Variants in PDGFD observed in about 807,000 individuals in gnomAD.
PDGFD encodes platelet derived growth factor D.
PDGFD carries 30 observed loss-of-function variants against 44.7 expected under a neutral mutation model. The observed-to-expected ratio is 0.67, with a 90% CI of 0.50 to 0.91. PDGFD has a LOEUF of 0.91. Ranked by LOEUF, PDGFD falls within the 40% of genes least tolerant of loss-of-function variation. The pLI, the probability that PDGFD is intolerant of heterozygous loss-of-function variation, is 0.00. For missense variants in PDGFD, 445 were observed against 457.8 expected (o/e 0.97, Z 0.25); for synonymous variants, 173 against 168.4 (o/e 1.03, Z -0.21).
intron 3 of PDGFD, among the ~76,000 whole-genome samples, chr11:103,966,554 C>G (rs916595374): frequency 8.5e-5 from 13 of 152,278 alleles, no homozygotes; most frequent in East Asian, 3.9e-4. Flanking sequence ...CTGCATTATC[C>G]TCTGCCAACT....
chr11:103,955,225 A>G (rs1362439275), intron 3 of PDGFD, among the ~76,000 whole-genome samples: 1 of 146,482 alleles, frequency 6.8e-6, no homozygotes, highest in Non-Finnish European at 1.5e-5. Context: ...ATGAACAAAC[A>G]CATGATCAAC....
intron 1 of PDGFD, among the ~76,000 whole-genome samples, chr11:104,013,454 C>T (rs1019297923): frequency 5.3e-5 from 8 of 152,164 alleles, no homozygotes; most frequent in South Asian, 4.2e-4. Context: ...TGGCTGGAGC[C>T]CAAAAGCACT....
At chr11:104,022,784 A>AGT (rs1482333702) in intron 1 of PDGFD, among the ~76,000 whole-genome samples, 1 of 152,008 alleles carries the variant, frequency 6.6e-6, no homozygotes, top group Non-Finnish European at 1.5e-5. Flanking sequence ...TACAAAATTT[A>AGT]GTGTGTGTGT....
At chr11:104,008,220 G>T (rs761445749) in intron 1 of PDGFD, among the ~76,000 whole-genome samples, 1 of 152,138 alleles carries the variant, frequency 6.6e-6, no homozygotes, top group Non-Finnish European at 1.5e-5. Flanking sequence ...AAAATGACAT[G>T]ACACCTCAAT....
intron 6 of PDGFD, among the ~76,000 whole-genome samples, chr11:103,922,394 A>C (rs1858239034): frequency 6.6e-6 from 1 of 152,184 alleles, no homozygotes; most frequent in Non-Finnish European, 1.5e-5. Flanking sequence ...GGAATTTGAG[A>C]AAACAAGAAA....
In PDGFD at chr11:103,914,763, G is replaced by A. The variant is rs7107615; in HGVS notation, c.988-4944C>T. 5.8e-3 allele frequency among the ~76,000 whole-genome samples: 883 copies of A among 152,010 alleles called. 15 individuals carry two copies. The highest frequency in any genetic ancestry group is 0.02 in the African/African-American group (838 of 41,458). ...GCTTATCTACCATGATCAAGTTGGC[G>A]TCATCCCTGGGATGCAAGGCTGGTT... is the stretch of plus-strand genomic sequence containing the variant. On this transcript the variant is annotated intron_variant, in intron 6 of 6. Transcript: ENST00000393158.
chr11:104,153,646 A>T (rs1030998846), intron 1 of PDGFD, among the ~76,000 whole-genome samples: 2 of 152,184 alleles, frequency 1.3e-5, no homozygotes, highest in Non-Finnish European at 2.9e-5. Flanking sequence ...TAATATGATT[A>T]AGGAATTCAC....
intron 1 of PDGFD, among the ~76,000 whole-genome samples, chr11:104,019,995 A>G (rs1859925350): frequency 6.6e-6 from 1 of 152,168 alleles, no homozygotes; most frequent in Non-Finnish European, 1.5e-5. Flanking sequence ...TGTTTTACTA[A>G]ATGTAAAACA....
chr11:103,991,789 T>C (rs1017616420), intron 3 of PDGFD, among the ~76,000 whole-genome samples: 1 of 152,206 alleles, frequency 6.6e-6, no homozygotes, highest in Non-Finnish European at 1.5e-5. Flanking sequence ...CAAAGTGGTT[T>C]ATAAAAGTTA....
chr11:103,955,155 C>A (rs181563132), intron 3 of PDGFD, among the ~76,000 whole-genome samples: 4,642 of 92,216 alleles, frequency 0.05, 121 homozygotes, highest in Middle Eastern at 0.18. Context: ...CAGAGCGAGA[C>A]TCCGTCTCAA....
rs114261379 is a variant in PDGFD, at chr11:104,040,974, G to A, written c.125-40719C>T. Among the ~76,000 whole-genome samples, 1,000 of 151,856 alleles carry A rather than the reference G, an allele frequency of 6.6e-3. 17 individuals are homozygous for A. The highest frequency in any genetic ancestry group is 0.023 in the African/African-American group (944 of 41,460). On this transcript the variant is annotated intron_variant, in intron 1 of 6. Transcript: ENST00000393158. ...GACTGACCAGATTGCTCTATTCAGA[G>A]CTTTTTGATTTCAAATGCCAAGTTC...
rs534465118 is a variant in PDGFD at position 103,989,394 on chromosome 11, C to G, written c.510+6671G>C. On this transcript the variant is annotated intron_variant, in intron 3 of 6. Transcript: ENST00000393158. ...CATGGAAGTGCCTTCATTTTCTCTG[C>G]GGCCTAGGCTTTCCAGCCCAGGACA... Among the ~76,000 whole-genome samples the G allele has an allele frequency of 2.0e-5, 3 of 152,298 alleles. No homozygotes were observed. In the East Asian group the frequency reaches 5.8e-4, roughly 29 times the overall value.
intron 1 of PDGFD, among the ~76,000 whole-genome samples, chr11:104,085,439 A>G (rs1861116354): frequency 6.6e-6 from 1 of 152,204 alleles, no homozygotes; most frequent in African/African-American, 2.4e-5. Context: ...TGAATGTACC[A>G]GTTTGTTTAC....
chr11:103,989,179 G>A (rs1342897693), intron 3 of PDGFD, among the ~76,000 whole-genome samples: 1 of 151,988 alleles, frequency 6.6e-6, no homozygotes, highest in Non-Finnish European at 1.5e-5. Context: ...CTGTATTTAG[G>A]TTTTAGGAAT....
intron 1 of PDGFD, among the ~76,000 whole-genome samples, chr11:104,142,084 G>A (rs963855424): frequency 6.6e-6 from 1 of 151,994 alleles, no homozygotes; most frequent in Non-Finnish European, 1.5e-5. Flanking sequence ...TATTAATACT[G>A]CCATATTAAT....
At chr11:103,923,540 T>C (rs1448500870) in intron 6 of PDGFD, among the ~76,000 whole-genome samples, 4 of 152,180 alleles carry the variant, frequency 2.6e-5, no homozygotes, top group Admixed American at 2.6e-4. Flanking sequence ...TCTCATCAGT[T>C]GCAACCATGA....
In PDGFD at chr11:103,969,609, G is replaced by T. The variant is rs1048157587; in HGVS notation, c.511-21885C>A. Among the ~76,000 whole-genome samples the T allele has an allele frequency of 2.1e-5, 3 of 144,314 alleles. No individual in the cohort carries two copies. The South Asian group carries it at 6.7e-4, about 32-fold the overall frequency. 94.7% of individuals were successfully genotyped at this position (144,314 alleles called of 152,430 possible). A position where few individuals can be genotyped will look rare whatever the true frequency, so the allele number is the denominator to read the frequency against. On this transcript the variant is annotated intron_variant, in intron 3 of 6. Coordinates refer to ENST00000393158, the MANE Select transcript of PDGFD (RefSeq NM_025208.5). ...AAAATAATATCTTCTCTATATTTTT[G>T]TCCTGTGATATGTTAGAGCTACTCC...
At chr11:103,949,113 C>T (rs913230142) in intron 3 of PDGFD, among the ~76,000 whole-genome samples, 1 of 150,060 alleles carries the variant, frequency 6.7e-6, no homozygotes, top group Admixed American at 6.8e-5. Flanking sequence ...AGCAATTCTC[C>T]TGCCTCAGCC....
intron 1 of PDGFD, among the ~76,000 whole-genome samples, chr11:104,050,042 A>G (rs1860506096): frequency 6.6e-6 from 1 of 152,150 alleles, no homozygotes; most frequent in Non-Finnish European, 1.5e-5. Flanking sequence ...CGGTATGGTT[A>G]TATGTTGATA....
Sources: allele counts gnomAD v4.1 joint callset (sites outside exome capture counted in the v4.1 genomes callset), GRCh38; gene constraint gnomAD v4.1.1; transcripts MANE v1.5; gene names NCBI Gene and HGNC (gene_info 2026-07-23, HGNC 2026-07-21).